GMDS: variants seen among roughly 807,000 people sequenced by gnomAD.
The protein encoded by GMDS is GDP-mannose 4,6-dehydratase, also known as GDP-mannose 4,6 dehydratase.
GMDS carries 20 observed loss-of-function variants against 49.9 expected under a neutral mutation model. The ratio of observed to expected loss-of-function variants is 0.40; its 90% CI spans 0.28 to 0.58. GMDS has a LOEUF of 0.58. Among genes scored for constraint, GMDS ranks in the 20% least tolerant of loss-of-function variants. The pLI is 0.42. For missense variants in GMDS, 362 were observed against 481.4 expected, an observed-to-expected ratio of 0.75 and a Z score of 2.32; for synonymous variants, 177 against 178.6, an observed-to-expected ratio of 0.99 and a Z score of 0.07.
intron 7 of GMDS, among the ~76,000 whole-genome samples, chr6:1,751,551 T>G (rs574132292): frequency 2.6e-5 from 4 of 152,222 alleles, no homozygotes; most frequent in Non-Finnish European, 5.9e-5. Flanking sequence ...TAGAGTGCAA[T>G]GGCGTGATCT....
At chr6:2,090,452 C>T (rs189624350) in intron 4 of GMDS, among the ~76,000 whole-genome samples, 1 of 152,284 alleles carries the variant, frequency 6.6e-6, no homozygotes, top group Non-Finnish European at 1.5e-5. Context: ...ACCAACAGTA[C>T]ATAGAAAATA....
chr6:1,624,826 G>GC (rs1469781418), intron 9 of GMDS: 22 of 110,126 alleles, frequency 2.0e-4, no homozygotes, highest in Non-Finnish European at 2.8e-4. Context: ...GGCTCTTAAT[G>GC]CTTTTTTTTT....
intron 4 of GMDS, among the ~76,000 whole-genome samples, chr6:2,045,769 C>CAA (rs148317489): frequency 2.5e-4 from 37 of 147,878 alleles, no homozygotes; most frequent in Non-Finnish European, 4.3e-4. Flanking sequence ...TAGCCCCAGT[C>CAA]AAAAAAAAAA....
intron 9 of GMDS, among the ~76,000 whole-genome samples, chr6:1,697,125 C>G (rs1561736782): frequency 6.6e-6 from 1 of 152,170 alleles, no homozygotes; most frequent in African/African-American, 2.4e-5. Context: ...GCCCAAATGC[C>G]ATAAGTGGGC....
At chr6:2,109,342 G>A (rs543499498) in intron 4 of GMDS, among the ~76,000 whole-genome samples, 11 of 152,178 alleles carry the variant, frequency 7.2e-5, no homozygotes, top group Non-Finnish European at 1.2e-4. Context: ...GGGGCCTCAC[G>A]GAGAAGCTGA....
chr6:1,920,225 G>A (rs1761647376), intron 7 of GMDS, among the ~76,000 whole-genome samples: 1 of 152,240 alleles, frequency 6.6e-6, no homozygotes. Flanking sequence ...AGGGTCCCCT[G>A]AGGATGAGCC....
At chr6:1,761,539 C>T (rs1308435134) in intron 7 of GMDS, among the ~76,000 whole-genome samples, 2 of 152,134 alleles carry the variant, frequency 1.3e-5, no homozygotes, top group Non-Finnish European at 2.9e-5. Flanking sequence ...TGCTAAAGGT[C>T]GAGTTCTGAG....
At chr6:2,141,912 A>C (rs1776316874) in intron 1 of GMDS, among the ~76,000 whole-genome samples, 2 of 145,586 alleles carry the variant, frequency 1.4e-5, no homozygotes, top group African/African-American at 5.1e-5. Flanking sequence ...CTCCCCCACA[A>C]CACTCCTCCT....
intron 4 of GMDS, among the ~76,000 whole-genome samples, chr6:1,973,803 C>T (rs938595974): frequency 6.6e-5 from 10 of 151,914 alleles, no homozygotes; most frequent in African/African-American, 1.9e-4. Context: ...AATGACAGAA[C>T]AACAACAAAA....
At position 1,858,449 on chromosome 6, in the gene GMDS, C is replaced by T. The variant is rs1217268237; in HGVS notation, c.771+71654G>A. Reference sequence around the variant, plus strand: ...CCAGCAAAGTGAAAGAGGCTTTTTTCCAAAAACCTTTCAATAACAATGCTT... The same window carrying T: ...CCAGCAAAGTGAAAGAGGCTTTTTTTCAAAAACCTTTCAATAACAATGCTT... On this transcript the variant is annotated intron_variant, in intron 7 of 10. Coordinates refer to ENST00000380815, the MANE Select transcript of GMDS (RefSeq NM_001500.4). Among the ~76,000 whole-genome samples the T allele has an allele frequency of 2.6e-5, 4 of 152,182 alleles. No homozygotes were observed. The East Asian group carries it at 7.7e-4, about 29-fold the overall frequency.
intron 4 of GMDS, among the ~76,000 whole-genome samples, chr6:2,036,246 G>C (rs1376687847): frequency 6.6e-5 from 10 of 152,200 alleles, no homozygotes; most frequent in African/African-American, 2.2e-4. Flanking sequence ...GAGGATTTAT[G>C]ACCCTTCTGT....
At chr6:2,200,575 A>G (rs1169703275) in intron 1 of GMDS, among the ~76,000 whole-genome samples, 4 of 134,838 alleles carry the variant, frequency 3.0e-5, no homozygotes, top group African/African-American at 5.7e-5. Context: ...CACCACATGG[A>G]CATCCGAGAT....
chr6:2,088,429 C>T (rs1581633844), intron 4 of GMDS, among the ~76,000 whole-genome samples: 1 of 152,188 alleles, frequency 6.6e-6, no homozygotes, highest in African/African-American at 2.4e-5. Context: ...GAAAGACCTG[C>T]AAACTATAAT....
chr6:1,887,287 G>GA (rs35451469), intron 7 of GMDS, among the ~76,000 whole-genome samples: 68,570 of 151,988 alleles, frequency 0.45, 18,648 homozygotes, highest in Non-Finnish European at 0.61. Context: ...AGGCAGTGCT[G>GA]GCTTCTGAGC....
chr6:1,753,645 C>T (rs1387742952), intron 7 of GMDS, among the ~76,000 whole-genome samples: 1 of 152,184 alleles, frequency 6.6e-6, no homozygotes, highest in South Asian at 2.1e-4. Context: ...GAAGTAAACA[C>T]TCCTCAGCAA....
At chr6:1,650,229 G>A (rs1386736870) in intron 9 of GMDS, among the ~76,000 whole-genome samples, 2 of 151,996 alleles carry the variant, frequency 1.3e-5, no homozygotes, top group African/African-American at 4.8e-5. Context: ...CAGGGCAGCC[G>A]TGAGCCCAGC....
At chr6:1,728,966 A>C (rs1474750140) in intron 8 of GMDS, among the ~76,000 whole-genome samples, 11 of 151,820 alleles carry the variant, frequency 7.2e-5, no homozygotes, top group African/African-American at 1.7e-4. Flanking sequence ...AACAAAAAAC[A>C]AAAAACCAAA....
chr6:2,132,219 G>A (rs1384022706), intron 1 of GMDS, among the ~76,000 whole-genome samples: 3 of 152,062 alleles, frequency 2.0e-5, no homozygotes, highest in Admixed American at 2.0e-4. Context: ...TCACTAATAG[G>A]ATCGATCCCT....
chr6:1,744,281 T>C (rs769174260), intron 7 of GMDS, among the ~76,000 whole-genome samples: 38 of 152,190 alleles, frequency 2.5e-4, no homozygotes, highest in Non-Finnish European at 4.4e-4. Flanking sequence ...GGCATGCTGG[T>C]TGGGACAATG....
Sources: allele counts gnomAD v4.1 joint callset (sites outside exome capture counted in the v4.1 genomes callset), GRCh38; gene constraint gnomAD v4.1.1; transcripts MANE v1.5; gene names NCBI Gene and HGNC (gene_info 2026-07-23, HGNC 2026-07-21).